Variants in PYM1 observed in about 807,000 individuals in gnomAD.
PYM1 encodes the protein partner of Y14 and mago.
Under a neutral mutation model 20.7 loss-of-function variants are expected in PYM1, and 7 were observed. The observed-to-expected ratio is 0.34, with a 90% CI of 0.19 to 0.64. PYM1 has a LOEUF of 0.64. Ranked by LOEUF, PYM1 falls within the 30% of genes least tolerant of loss-of-function variation. The probability of loss-of-function intolerance (pLI) is 0.74; values close to 1 mark genes in which losing one functional copy is unlikely to be tolerated. For synonymous variants in PYM1, 100 were observed against 99.2 expected, an observed-to-expected ratio of 1.01 and a Z score of -0.05; for missense variants, 194 against 250.0, an observed-to-expected ratio of 0.78 and a Z score of 1.51.
In PYM1 at chr12:55,903,395, C is replaced by T; in HGVS notation, c.123G>A (p.Glu41=). 6.2e-7 allele frequency: 1 copy of T among 1,614,018 alleles called. No homozygotes were observed. The highest frequency in any genetic ancestry group is 1.7e-4 in the Middle Eastern group (1 of 6,060). ...AAAGCCTAACCACGTACACTGGGAC[C>T]TCCTCCTGGGGCACATATCCTTCTT... ...RVKEGYVPQE[E]VPVYENKYVK... Residue 41 remains glutamate (E), a synonymous_variant, in exon 2 of 3, where the codon GAG becomes GAA. Transcript: ENST00000408946.
chr12:55,905,830 ATATATATTAGATATATATAT>A lies in PYM1; in HGVS notation c.38-2370_38-2351del, dbSNP rs1314620117. 4.9e-5 allele frequency among the ~76,000 whole-genome samples: 6 copies of A among 121,914 alleles called. No individual in the cohort carries two copies. The South Asian group carries it at 9.5e-4, about 19-fold the overall frequency. The allele number at this position is 121,914 out of a possible 152,430, so 80.0% of individuals were successfully genotyped here. A position where few individuals can be genotyped will look rare whatever the true frequency, so the allele number is the denominator to read the frequency against. On this transcript the variant is annotated intron_variant, in intron 1 of 2. Coordinates refer to ENST00000408946, the MANE Select transcript of PYM1 (RefSeq NM_032345.3). The stretch of plus-strand genomic sequence containing the variant: ...AAGTTTTCAAAAATTCTAATTTTCT[ATATATATTAGATATATATAT>A]TATATATTAGATATATATATATCTA...
At chr12:55,927,564 C>A (rs953610555) in intron 1 of PYM1, 161 bp downstream of exon 1, 22 of 927,666 alleles carry the variant, frequency 2.4e-5, no homozygotes, top group Non-Finnish European at 3.5e-5. Context: ...CAGGAACGCA[C>A]TGGGGCGCAC....
chr12:55,916,386 C>T (rs1007186557), intron 1 of PYM1, among the ~76,000 whole-genome samples: 2 of 152,124 alleles, frequency 1.3e-5, no homozygotes, highest in Non-Finnish European at 2.9e-5. Context: ...TATCTGTAAC[C>T]TGAACTCAAG....
chr12:55,901,912 G>A lies in PYM1; in HGVS notation c.575C>T (p.Ala192Val), dbSNP rs148114178. 400 of 1,613,582 alleles carry A rather than the reference G, an allele frequency of 2.5e-4. 1 individual carries two copies. In the East Asian group the frequency reaches 6.2e-3, roughly 25 times the overall value. The change falls in exon 3 of 3, where the codon GCG (alanine) becomes GTG (valine). Residue 192 changes from alanine (A) to valine (V), a missense_variant. Transcript: ENST00000408946. Reference sequence around the variant, plus strand: ...CAAGTCCTCTAACTCCTCTTCTAGCGCCCTCCTCCTTGCTAGCTTTTCTAG... The same window carrying A: ...CAAGTCCTCTAACTCCTCTTCTAGCACCCTCCTCCTTGCTAGCTTTTCTAG... ...EQLEKLARRR[A>V]LEEELEDLEL...
chr12:55,926,252 TAGGA>T (rs1160834948), intron 1 of PYM1, among the ~76,000 whole-genome samples: 1 of 152,220 alleles, frequency 6.6e-6, no homozygotes, highest in Non-Finnish European at 1.5e-5. Context: ...ATGAGGCCAT[TAGGA>T]AGGGACAAAA....
chr12:55,905,019 T>A (rs1882768193), intron 1 of PYM1, among the ~76,000 whole-genome samples: 1 of 151,530 alleles, frequency 6.6e-6, no homozygotes, highest in Non-Finnish European at 1.5e-5. Flanking sequence ...TTATTTATTT[T>A]GAGACAGAGT....
chr12:55,902,201 TCTC>T lies in PYM1; in HGVS notation c.283_285del (p.Glu95del), dbSNP rs1221143409. ...CCTTTCTCTTGCTGCTGCCGCCTCT[TCTC>T]CTTTCGCTTCAGGTTACGTTTGGCT... On this transcript the variant is annotated inframe_deletion, in exon 3 of 3. Transcript: ENST00000408946. 11 of 1,614,120 alleles carry T rather than the reference TCTC, an allele frequency of 6.8e-6. No individual in the cohort carries two copies. Among genetic ancestry groups the T allele is most frequent in the Middle Eastern group, 1.6e-4 (1 of 6,062 alleles).
chr12:55,907,652 T>C (rs1366758524), intron 1 of PYM1, among the ~76,000 whole-genome samples: 5 of 92,260 alleles, frequency 5.4e-5, no homozygotes, highest in South Asian at 3.2e-4. Flanking sequence ...AAAAAAAAAA[T>C]TGGAGGCCAG....
At chr12:55,906,688 G>A (rs1882822890) in intron 1 of PYM1, among the ~76,000 whole-genome samples, 2 of 151,870 alleles carry the variant, frequency 1.3e-5, no homozygotes, top group Admixed American at 6.6e-5. Flanking sequence ...CGCTCTTGTT[G>A]CCCAGGCTGG....
intron 1 of PYM1, among the ~76,000 whole-genome samples, chr12:55,923,594 G>C (rs1345789701): frequency 6.6e-6 from 1 of 150,976 alleles, no homozygotes; most frequent in African/African-American, 2.4e-5. Context: ...CTAATGAAAT[G>C]ATGTATGGAT....
At chr12:55,915,213 TAAAA>T (rs1174981358) in intron 1 of PYM1, among the ~76,000 whole-genome samples, 1 of 48,978 alleles carries the variant, frequency 2.0e-5, no homozygotes, top group Non-Finnish European at 3.3e-5. Flanking sequence ...AGACTCTGCC[TAAAA>T]AAAAAAAAAA....
At chr12:55,908,858 A>AAAAAT (rs1565715324) in intron 1 of PYM1, among the ~76,000 whole-genome samples, 5 of 152,278 alleles carry the variant, frequency 3.3e-5, no homozygotes, top group African/African-American at 1.2e-4. Flanking sequence ...TCTCCAAAAA[A>AAAAAT]AAAATAAAAT....
chr12:55,927,473 A>G (rs1435185003), intron 1 of PYM1: 1 of 694,180 alleles, frequency 1.4e-6, no homozygotes, highest in African/African-American at 1.8e-5. Context: ...GGGGCCTTAT[A>G]AATGAAGAAA....
chr12:55,926,709 G>C (rs1320887813), intron 1 of PYM1, among the ~76,000 whole-genome samples: 2 of 152,140 alleles, frequency 1.3e-5, no homozygotes, highest in Non-Finnish European at 2.9e-5. Flanking sequence ...GCTGAGATGG[G>C]GGAGGGGAAA....
Position 55,927,714 on chromosome 12 carries a change from G to T in PYM1, c.37+11C>A. 1 of 1,539,542 alleles carries T rather than the reference G, an allele frequency of 6.5e-7. No individual in the cohort carries two copies. ...GGGCGTGCAAGGCGGAGGGCGCCGCGGGTCGGTCACCTGTCTCCGTAGCCG... is the reference window on the plus strand; with the variant it reads ...GGGCGTGCAAGGCGGAGGGCGCCGCTGGTCGGTCACCTGTCTCCGTAGCCG... On this transcript the variant is annotated intron_variant, in intron 1 of 2. Transcript: ENST00000408946.
At chr12:55,905,153 C>T (rs1288074316) in intron 1 of PYM1, among the ~76,000 whole-genome samples, 4 of 150,768 alleles carry the variant, frequency 2.7e-5, no homozygotes, top group East Asian at 4.1e-4. Context: ...AGGCGCCTGC[C>T]ACCACACCTG....
chr12:55,919,595 G>A (rs1883063727), intron 1 of PYM1, among the ~76,000 whole-genome samples: 1 of 152,048 alleles, frequency 6.6e-6, no homozygotes, highest in Non-Finnish European at 1.5e-5. Context: ...ATGCATATGT[G>A]CTTAGAAAAA....
At chr12:55,918,771 G>C (rs1334548054) in intron 1 of PYM1, among the ~76,000 whole-genome samples, 3 of 152,158 alleles carry the variant, frequency 2.0e-5, no homozygotes, top group Admixed American at 1.3e-4. Context: ...GGGAGGCTGA[G>C]ACAGGAGAAT....
intron 1 of PYM1, among the ~76,000 whole-genome samples, chr12:55,924,989 A>T (rs937033029): frequency 2.6e-5 from 4 of 152,322 alleles, no homozygotes; most frequent in African/African-American, 4.8e-5. Context: ...CCAGCAAAAA[A>T]TTTTTTTAAA....
Sources: gnomAD v4.1 joint callset for allele counts (sites outside exome capture counted in the v4.1 genomes callset) on GRCh38, gnomAD v4.1.1 for gene constraint, MANE v1.5 for transcripts, NCBI Gene and HGNC (gene_info 2026-07-23, HGNC 2026-07-21) for gene names.